The following RELN variants were observed in gnomAD, a reference collection of about 807,000 sequenced individuals.
RELN encodes the protein reelin.
In RELN, 108 loss-of-function variants were observed where a neutral mutation model predicts 427.6. The observed-to-expected ratio is 0.25, with a 90% CI of 0.22 to 0.30. The LOEUF (loss-of-function observed/expected upper bound fraction) is 0.30, where lower values mean the gene tolerates loss of function less well. Among genes scored for constraint, RELN ranks in the 10% least tolerant of loss-of-function variants. The pLI is 1.00. For missense variants in RELN, 3,715 were observed against 4,302.8 expected (o/e 0.86, Z 3.82); for synonymous variants, 1,524 against 1,513.4 (o/e 1.01, Z -0.16).
intron 1 of RELN, among the ~76,000 whole-genome samples, chr7:103,962,747 A>C (rs889377908): frequency 6.6e-6 from 1 of 152,202 alleles, no homozygotes; most frequent in African/African-American, 2.4e-5. Context: ...ATGACAAGAA[A>C]GAATTCTTCT....
intron 16 of RELN, among the ~76,000 whole-genome samples, chr7:103,645,499 C>G (rs939365251): frequency 6.6e-6 from 1 of 151,578 alleles, no homozygotes; most frequent in Non-Finnish European, 1.5e-5. Flanking sequence ...TAAGATAAAA[C>G]AGACTTTAAA....
In RELN at chr7:103,968,332, C is replaced by T. The variant is rs1796697623; in HGVS notation, c.226+20799G>A. On this transcript the variant is annotated intron_variant, in intron 1 of 64. Coordinates refer to ENST00000428762, the MANE Select transcript of RELN (RefSeq NM_005045.4). This position sits in a 1 kb window ranked among gnomAD's most constrained non-coding sequence, Gnocchi z 4.3. Reference sequence around the variant, plus strand: ...CTTTAAATTCTGCTTAATGTGAACTCAGAAGTAAGAGAACTAAAGAAGAGT... The same window carrying T: ...CTTTAAATTCTGCTTAATGTGAACTTAGAAGTAAGAGAACTAAAGAAGAGT... Among the ~76,000 whole-genome samples, 1 of 151,980 alleles carries T rather than the reference C, an allele frequency of 6.6e-6. No homozygotes were observed. The highest frequency in any genetic ancestry group is 2.1e-4 in the South Asian group (1 of 4,826).
intron 3 of RELN, among the ~76,000 whole-genome samples, chr7:103,813,796 C>A (rs1270483345): frequency 6.6e-6 from 1 of 152,086 alleles, no homozygotes; most frequent in Non-Finnish European, 1.5e-5. Context: ...TTCTTTTTCT[C>A]TACTGTTGTA....
In RELN at chr7:103,621,060, G is replaced by A. The variant is rs553582207; in HGVS notation, c.2702+8880C>T. On this transcript the variant is annotated intron_variant, in intron 20 of 64. Coordinates refer to ENST00000428762, the MANE Select transcript of RELN (RefSeq NM_005045.4). Reference sequence around the variant, plus strand: ...GCATACTCAAACAGAGCCATTTTAAGACTTTTGTAGGACCTCGATACTTTT... The same window carrying A: ...GCATACTCAAACAGAGCCATTTTAAAACTTTTGTAGGACCTCGATACTTTT... 3.2e-3 allele frequency among the ~76,000 whole-genome samples: 480 copies of A among 152,298 alleles called. 1 individual carries two copies. Among genetic ancestry groups the A allele is most frequent in the African/African-American group, 0.011 (462 of 41,554 alleles).
At chr7:103,872,908 G>T (rs1411107600) in intron 2 of RELN, among the ~76,000 whole-genome samples, 1 of 151,516 alleles carries the variant, frequency 6.6e-6, no homozygotes, top group East Asian at 2.0e-4. Context: ...TTTTGATGGG[G>T]TTGTTTGTTT....
At chr7:103,870,470 G>A (rs1794304231) in intron 2 of RELN, among the ~76,000 whole-genome samples, 1 of 151,926 alleles carries the variant, frequency 6.6e-6, no homozygotes, top group African/African-American at 2.4e-5. Flanking sequence ...AGAATGCCCA[G>A]TGAATTTCCT....
At chr7:103,551,412 T>C (rs1482397645) in intron 40 of RELN, 116 bp from the exon 41 acceptor site, 5 of 746,064 alleles carry the variant, frequency 6.7e-6, no homozygotes, top group Admixed American at 4.0e-5. Flanking sequence ...TGCTGAAATA[T>C]TTAATACTAT....
At chr7:103,601,784 G>A (rs1324215219) in intron 24 of RELN, among the ~76,000 whole-genome samples, 1 of 152,092 alleles carries the variant, frequency 6.6e-6, no homozygotes, top group Admixed American at 6.6e-5. Flanking sequence ...TACCCCTCTC[G>A]CATCCCTAAC....
chr7:103,641,687 T>C (rs1832696764), intron 16 of RELN, among the ~76,000 whole-genome samples: 2 of 152,176 alleles, frequency 1.3e-5, no homozygotes. Flanking sequence ...ATATTATGCT[T>C]AGCATGGTAC....
chr7:103,523,105 A>C lies in RELN; in HGVS notation c.7490+286T>G, dbSNP rs12536415. Among the ~76,000 whole-genome samples, 87,795 of 152,020 alleles carry C rather than the reference A, an allele frequency of 0.58. 28,674 individuals are homozygous for C. Among genetic ancestry groups the C allele is most frequent in the Non-Finnish European group, 0.72 (49,032 of 67,962 alleles). On this transcript the variant is annotated intron_variant, in intron 47 of 64. Coordinates refer to ENST00000428762, the MANE Select transcript of RELN (RefSeq NM_005045.4). ...GAACTCCTGAACCTTTTCTAATGTT[A>C]TTTTCAAGGCTCGAGTGTATCACAG...
chr7:103,520,959 T>TC (rs1829689290), intron 48 of RELN, among the ~76,000 whole-genome samples: 1 of 49,688 alleles, frequency 2.0e-5, no homozygotes, highest in Non-Finnish European at 5.4e-5. Context: ...AATTTGTTAT[T>TC]TTTTTTTTTT....
intron 3 of RELN, among the ~76,000 whole-genome samples, chr7:103,781,408 C>G (rs1334348343): frequency 3.9e-5 from 6 of 152,088 alleles, no homozygotes; most frequent in Admixed American, 3.9e-4. Flanking sequence ...AATTAAGTCT[C>G]TAGAGGTTGG....
chr7:103,802,613 CA>C (rs1792496765), intron 3 of RELN, among the ~76,000 whole-genome samples: 1 of 152,016 alleles, frequency 6.6e-6, no homozygotes, highest in South Asian at 2.1e-4. Flanking sequence ...TGTTTAGTAG[CA>C]AAAGATAATA....
intron 11 of RELN, among the ~76,000 whole-genome samples, chr7:103,680,732 C>CT (rs1833634851): frequency 6.6e-6 from 1 of 151,762 alleles, no homozygotes; most frequent in Admixed American, 6.6e-5. Context: ...CTGGGGAGGT[C>CT]CTAGAGGCTA....
At chr7:103,756,500 T>C (rs944812216) in intron 4 of RELN, among the ~76,000 whole-genome samples, 1 of 152,172 alleles carries the variant, frequency 6.6e-6, no homozygotes, top group African/African-American at 2.4e-5. Context: ...ACCCAAGACA[T>C]AAGCCAAAGC....
At chr7:103,754,118 A>C (rs1791072391) in intron 4 of RELN, among the ~76,000 whole-genome samples, 1 of 152,108 alleles carries the variant, frequency 6.6e-6, no homozygotes, top group Non-Finnish European at 1.5e-5. Context: ...TACAGGCCAA[A>C]TATTTCTTAA....
rs139007782 is a variant in RELN at position 103,797,035 on chromosome 7, G to A, written c.474-20408C>T. Among the ~76,000 whole-genome samples the A allele has an allele frequency of 8.6e-3, 1,302 of 151,934 alleles. 16 individuals are homozygous for A. The highest frequency in any genetic ancestry group is 0.03 in the African/African-American group (1,221 of 41,380). On this transcript the variant is annotated intron_variant, in intron 3 of 64. Transcript: ENST00000428762. ...CTTTAGAATATTAATTGATCTCTCC[G>A]TAAGTTCCTTTTACTCCTTTAAATG...
chr7:103,579,810 T>C (rs1042580361), intron 28 of RELN, among the ~76,000 whole-genome samples: 2 of 152,170 alleles, frequency 1.3e-5, no homozygotes, highest in Non-Finnish European at 2.9e-5. Context: ...CACAATTCAA[T>C]GTGATGTTGC....
chr7:103,734,981 C>G (rs113695635), intron 6 of RELN, among the ~76,000 whole-genome samples: 236 of 152,104 alleles, frequency 1.6e-3, no homozygotes, highest in African/African-American at 5.5e-3. Context: ...CTGAAGTACA[C>G]GACAATCATA....
Sources: allele counts gnomAD v4.1 joint callset (sites outside exome capture counted in the v4.1 genomes callset), GRCh38; gene constraint gnomAD v4.1.1; non-coding constraint Gnocchi (gnomAD v3.1); transcripts MANE v1.5; gene names NCBI Gene and HGNC (gene_info 2026-07-23, HGNC 2026-07-21).